Variants in MYO9A observed in about 807,000 individuals in gnomAD.
MYO9A encodes myosin IXA, also known as unconventional myosin-IXa.
A neutral mutation model predicts 293.3 loss-of-function variants in MYO9A; 103 were observed. The observed-to-expected ratio is 0.35, with a 90% CI of 0.30 to 0.41. The LOEUF is 0.41. MYO9A is among the 10% of genes least tolerant of loss of function. MYO9A has a pLI of 1.00. For synonymous variants in MYO9A, 1,001 were observed against 1,035.7 expected, an observed-to-expected ratio of 0.97 and a Z score of 0.64; for missense variants, 2,685 against 3,033.0, an observed-to-expected ratio of 0.89 and a Z score of 2.69.
At chr15:71,956,855 ACACAAATAT>A (rs2059212374) in intron 14 of MYO9A, among the ~76,000 whole-genome samples, 5 of 86,612 alleles carry the variant, frequency 5.8e-5, no homozygotes, top group South Asian at 4.0e-4. Context: ...ACACACACAC[ACACAAATAT>A]ATATATATAT....
intron 18 of MYO9A, among the ~76,000 whole-genome samples, chr15:71,925,417 G>A (rs749299346): frequency 3.4e-4 from 52 of 151,050 alleles, no homozygotes; most frequent in Non-Finnish European, 6.5e-4. Context: ...ACATATCTAT[G>A]TATATGTATA....
Position 71,826,612 on chromosome 15 carries a change from C to G in MYO9A, c.7615G>C (p.Ala2539Pro). 1.2e-6 allele frequency: 2 copies of G among 1,607,932 alleles called. No individual in the cohort carries two copies. The highest frequency in any genetic ancestry group is 1.7e-5 in the Admixed American group (1 of 58,616). Residue 2539 changes from alanine (A) to proline (P), a missense_variant, in exon 42 of 42, where the codon GCA (alanine) becomes CCA (proline). Coordinates refer to ENST00000356056, the MANE Select transcript of MYO9A (RefSeq NM_006901.4). ...DPDCTSNQQL[A>P]LFGNNEFMV ...ATAAATTCATTATTTCCAAAGAGTG[C>G]TAGCTGTTGGTTGGAGGTGCAGTCT...
intron 13 of MYO9A, among the ~76,000 whole-genome samples, chr15:71,966,726 A>C (rs572082687): frequency 3.0e-4 from 46 of 152,244 alleles, no homozygotes; most frequent in Middle Eastern, 3.4e-3. Context: ...TTTCACTTCA[A>C]TTTAAAAAAA....
At chr15:71,887,703 C>T (rs1171326615) in intron 27 of MYO9A, among the ~76,000 whole-genome samples, 1 of 152,140 alleles carries the variant, frequency 6.6e-6, no homozygotes, top group African/African-American at 2.4e-5. Flanking sequence ...TGTGCATGCA[C>T]TGTATGCACT....
At chr15:72,030,648 T>C (rs1223131668) in intron 3 of MYO9A, among the ~76,000 whole-genome samples, 1 of 151,996 alleles carries the variant, frequency 6.6e-6, no homozygotes, top group Admixed American at 6.6e-5. Flanking sequence ...CTCAGCCTCC[T>C]GAACAGCTGG....
chr15:71,831,994 T>G (rs1484886493), intron 39 of MYO9A, among the ~76,000 whole-genome samples: 1 of 152,096 alleles, frequency 6.6e-6, no homozygotes, highest in Non-Finnish European at 1.5e-5. Context: ...AGTAAAAGAA[T>G]GGCTGGGCAC....
At chr15:72,008,207 A>C (rs2077068983) in intron 7 of MYO9A, among the ~76,000 whole-genome samples, 1 of 152,066 alleles carries the variant, frequency 6.6e-6, no homozygotes, top group South Asian at 2.1e-4. Flanking sequence ...TATTGCCTGA[A>C]TTTGTCACAG....
intron 9 of MYO9A, among the ~76,000 whole-genome samples, chr15:71,994,895 G>A (rs994121522): frequency 9.9e-5 from 15 of 152,276 alleles, no homozygotes; most frequent in African/African-American, 3.1e-4. Flanking sequence ...ACCACGCCTG[G>A]CTAATTTTGT....
At chr15:71,836,113 A>G (rs1010590152) in intron 39 of MYO9A, among the ~76,000 whole-genome samples, 1 of 152,130 alleles carries the variant, frequency 6.6e-6, no homozygotes, top group Non-Finnish European at 1.5e-5. Context: ...ATGGAAGAAA[A>G]TTTGCAACAA....
At chr15:71,864,198 C>A (rs2056245567) in intron 32 of MYO9A, among the ~76,000 whole-genome samples, 1 of 152,136 alleles carries the variant, frequency 6.6e-6, no homozygotes, top group Non-Finnish European at 1.5e-5. Flanking sequence ...ATCAAAGAAG[C>A]CGTTCAAATG....
At position 72,110,020 on chromosome 15, in the gene MYO9A, G is replaced by A. The variant is rs115322678; in HGVS notation, c.-72+7660C>T. 3.8e-3 allele frequency among the ~76,000 whole-genome samples: 565 copies of A among 150,656 alleles called. 3 individuals are homozygous for A. The highest frequency in any genetic ancestry group is 0.014 in the Middle Eastern group (4 of 292). On this transcript the variant is annotated intron_variant, in intron 1 of 41. Coordinates refer to ENST00000356056, the MANE Select transcript of MYO9A (RefSeq NM_006901.4). ...AAAAAAAAAAATCTAGCCAGGCAGCGTAGTGGCACACATCTGTAGTACCAG... is the reference window on the plus strand; with the variant it reads ...AAAAAAAAAAATCTAGCCAGGCAGCATAGTGGCACACATCTGTAGTACCAG...
At chr15:72,011,098 C>T (rs976413383) in intron 6 of MYO9A, among the ~76,000 whole-genome samples, 1 of 151,668 alleles carries the variant, frequency 6.6e-6, no homozygotes, top group Admixed American at 6.6e-5. Context: ...CAGCTTCGAC[C>T]TCCCGGGCTC....
chr15:72,111,638 ATT>A (rs11286964), intron 1 of MYO9A, among the ~76,000 whole-genome samples: 4,327 of 135,472 alleles, frequency 0.032, 114 homozygotes, highest in African/African-American at 0.076. Flanking sequence ...ATTACCCCCA[ATT>A]TTTTTTTTTT....
At chr15:71,838,249 T>C (rs1477453278) in intron 39 of MYO9A, among the ~76,000 whole-genome samples, 1 of 152,142 alleles carries the variant, frequency 6.6e-6, no homozygotes, top group Non-Finnish European at 1.5e-5. Context: ...AAATAGGAAT[T>C]GAAAATATTT....
intron 26 of MYO9A, among the ~76,000 whole-genome samples, chr15:71,888,810 A>C (rs1202533125): frequency 6.6e-6 from 1 of 152,150 alleles, no homozygotes; most frequent in Non-Finnish European, 1.5e-5. Context: ...TTCTTTCTTT[A>C]GCCTTTTGGT....
intron 28 of MYO9A, among the ~76,000 whole-genome samples, 154 bp from the exon 29 acceptor site, chr15:71,880,712 C>T (rs2056848392): frequency 6.6e-6 from 1 of 152,186 alleles, no homozygotes; most frequent in South Asian, 2.1e-4. Context: ...GGTTAGGCAG[C>T]TAAGCAATAA....
intron 34 of MYO9A, among the ~76,000 whole-genome samples, chr15:71,855,293 G>A (rs1294325607): frequency 3.3e-5 from 5 of 152,070 alleles, no homozygotes; most frequent in East Asian, 3.9e-4. Context: ...ATGACACCAC[G>A]CCCAGCTAAT....
At chr15:72,099,436 A>G (rs28835700) in intron 1 of MYO9A, among the ~76,000 whole-genome samples, 7 of 150,306 alleles carry the variant, frequency 4.7e-5, no homozygotes, top group East Asian at 1.9e-4. Context: ...AAAAAAAAAA[A>G]AAAAAAGAAA....
At chr15:71,997,650 A>G (rs952748626) in intron 9 of MYO9A, among the ~76,000 whole-genome samples, 61 of 152,226 alleles carry the variant, frequency 4.0e-4, no homozygotes, top group African/African-American at 1.5e-3. Context: ...AAAGTAGGGA[A>G]TACAAAATAA....
Sources: gnomAD v4.1 joint callset for allele counts (sites outside exome capture counted in the v4.1 genomes callset) on GRCh38, gnomAD v4.1.1 for gene constraint, MANE v1.5 for transcripts, NCBI Gene and HGNC (gene_info 2026-07-23, HGNC 2026-07-21) for gene names.